TNFRSF19: variants seen among roughly 807,000 people sequenced by gnomAD.
TNFRSF19 encodes the protein tumor necrosis factor receptor superfamily member 19.
TNFRSF19 carries 27 observed loss-of-function variants against 46.4 expected under a neutral mutation model. The observed-to-expected ratio is 0.58, with a 90% confidence interval of 0.43 to 0.80. TNFRSF19 has a LOEUF of 0.80. Ranked by LOEUF, TNFRSF19 falls within the 30% of genes least tolerant of loss-of-function variation. The pLI, the probability that TNFRSF19 is intolerant of heterozygous loss-of-function variation, is 0.00. For missense variants in TNFRSF19, 511 were observed against 530.8 expected (o/e 0.96, Z 0.37); for synonymous variants, 204 against 205.0 (o/e 1.00, Z 0.04).
intron 2 of TNFRSF19, among the ~76,000 whole-genome samples, chr13:23,591,723 TC>T (rs770871550): frequency 1.5e-5 from 2 of 133,262 alleles, no homozygotes; most frequent in Non-Finnish European, 3.2e-5. Flanking sequence ...TTTCTTTCTT[TC>T]TTTCTTTTTT....
chr13:23,616,142 TATTAACCTGAAG>T, intron 4 of TNFRSF19, 97 bp downstream of exon 4: 1 of 1,268,672 alleles, frequency 7.9e-7, no homozygotes, highest in South Asian at 1.6e-5. Flanking sequence ...TGCATGCTGG[TATTAACCTGAAG>T]ATGCTGGTGG....
chr13:23,576,860 G>T (rs1877990123), intron 1 of TNFRSF19, among the ~76,000 whole-genome samples: 1 of 152,130 alleles, frequency 6.6e-6, no homozygotes, highest in Admixed American at 6.5e-5. Flanking sequence ...GGCCAACTGT[G>T]TTTAACTTAA....
chr13:23,571,908 G>C (rs1303477801), intron 1 of TNFRSF19, among the ~76,000 whole-genome samples: 1 of 150,956 alleles, frequency 6.6e-6, no homozygotes, highest in Non-Finnish European at 1.5e-5. Flanking sequence ...AAATTTATCT[G>C]GGCAAAATAT....
intron 5 of TNFRSF19, among the ~76,000 whole-genome samples, chr13:23,640,271 A>G (rs542563058): frequency 6.6e-6 from 1 of 152,326 alleles, no homozygotes; most frequent in Non-Finnish European, 1.5e-5. Flanking sequence ...CTTCTAGCTT[A>G]CTTTTAAAAA....
At chr13:23,618,294 A>G (rs1457648095) in intron 4 of TNFRSF19, among the ~76,000 whole-genome samples, 2 of 152,180 alleles carry the variant, frequency 1.3e-5, no homozygotes, top group Non-Finnish European at 2.9e-5. Context: ...TATTCTTACA[A>G]CTCAATAATA....
intron 5 of TNFRSF19, among the ~76,000 whole-genome samples, chr13:23,651,659 T>G (rs1415745040): frequency 6.6e-6 from 1 of 152,138 alleles, no homozygotes; most frequent in Admixed American, 6.6e-5. Context: ...AGCCATATGT[T>G]GTTTTTTACT....
At chr13:23,608,114 T>C (rs1392775235) in intron 3 of TNFRSF19, among the ~76,000 whole-genome samples, 1 of 152,184 alleles carries the variant, frequency 6.6e-6, no homozygotes, top group Non-Finnish European at 1.5e-5. Flanking sequence ...CTCTTTTCAC[T>C]TCCTTTCAAT....
At chr13:23,601,151 G>C (rs949365208) in intron 3 of TNFRSF19, among the ~76,000 whole-genome samples, 9 of 152,098 alleles carry the variant, frequency 5.9e-5, no homozygotes, top group African/African-American at 2.2e-4. Context: ...AGGAAACTCA[G>C]AGAACACCAA....
intron 4 of TNFRSF19, among the ~76,000 whole-genome samples, chr13:23,616,582 T>TTG (rs67579522): frequency 2.5e-5 from 1 of 40,598 alleles, no homozygotes; most frequent in Non-Finnish European, 1.0e-4. Context: ...GTTTGTTTGT[T>TTG]TTGTTTTGTT....
At chr13:23,635,797 T>C (rs1052344835) in intron 5 of TNFRSF19, among the ~76,000 whole-genome samples, 8 of 152,356 alleles carry the variant, frequency 5.3e-5, no homozygotes, top group African/African-American at 1.7e-4. Flanking sequence ...ATTAAATATT[T>C]AAGAAACATT....
At chr13:23,620,872 A>C (rs1881603176) in intron 4 of TNFRSF19, among the ~76,000 whole-genome samples, 1 of 152,154 alleles carries the variant, frequency 6.6e-6, no homozygotes, top group Non-Finnish European at 1.5e-5. Flanking sequence ...GACAACTAAC[A>C]TTGAGCACTT....
chr13:23,570,819 G>A lies in TNFRSF19; in HGVS notation c.-64G>A, dbSNP rs926706510. 1.3e-5 allele frequency: 2 copies of A among 152,222 alleles called. No individual in the cohort carries two copies. The highest frequency in any genetic ancestry group is 4.8e-5 in the African/African-American group (2 of 41,462). 9.4% of individuals were successfully genotyped at this position (152,222 alleles called of 1,614,324 possible). A position where few individuals can be genotyped will look rare whatever the true frequency, so the allele number is the denominator to read the frequency against. On this transcript the variant is annotated 5_prime_UTR_variant, in exon 1 of 10. Transcript: ENST00000248484. ...AGGTAGAAGCATTTGGCACAGAAGT[G>A]CTGCCAGGAGAAACTAAGTTGCTGA...
At chr13:23,651,596 C>T (rs1407395440) in intron 5 of TNFRSF19, among the ~76,000 whole-genome samples, 2 of 152,220 alleles carry the variant, frequency 1.3e-5, no homozygotes, top group Admixed American at 6.5e-5. Context: ...ATTTAATGCT[C>T]ATTTTATGAT....
intron 4 of TNFRSF19, among the ~76,000 whole-genome samples, chr13:23,625,497 T>G (rs1224306295): frequency 3.3e-5 from 5 of 151,924 alleles, no homozygotes; most frequent in Non-Finnish European, 7.4e-5. Flanking sequence ...CCCAGCTATT[T>G]TTTTGTATTT....
rs1015401547 is a variant in TNFRSF19 at position 23,659,911 on chromosome 13, T to G, written c.611-454T>G. ...CAAAATAGATTTACTCTTCATTAAG[T>G]GGAAGCGGATCATTGTAAAGGCCTT... On this transcript the variant is annotated intron_variant, in intron 6 of 9. Transcript: ENST00000248484. The surrounding 1 kb of genome is among the most constrained non-coding windows in gnomAD (Gnocchi z 4.9). 4.6e-5 allele frequency among the ~76,000 whole-genome samples: 7 copies of G among 152,164 alleles called. No homozygotes were observed. The highest frequency in any genetic ancestry group is 1.7e-4 in the African/African-American group (7 of 41,430).
At chr13:23,583,241 T>G (rs984524471) in intron 1 of TNFRSF19, among the ~76,000 whole-genome samples, 2 of 152,162 alleles carry the variant, frequency 1.3e-5, no homozygotes, top group South Asian at 2.1e-4. Context: ...TTTTAGACAT[T>G]CAAATAAGTA....
intron 4 of TNFRSF19, among the ~76,000 whole-genome samples, chr13:23,616,646 A>G (rs928872374): frequency 3.3e-5 from 5 of 152,122 alleles, no homozygotes; most frequent in African/African-American, 9.7e-5. Context: ...GCAATGGCGC[A>G]ATCTCAGCTC....
intron 3 of TNFRSF19, among the ~76,000 whole-genome samples, chr13:23,602,577 A>C (rs996707267): frequency 2.6e-5 from 4 of 152,114 alleles, no homozygotes; most frequent in African/African-American, 9.6e-5. Context: ...TTAAGCTGTC[A>C]TGGAAAATTC....
At chr13:23,578,014 G>T (rs1371505868) in intron 1 of TNFRSF19, among the ~76,000 whole-genome samples, 2 of 152,186 alleles carry the variant, frequency 1.3e-5, no homozygotes, top group African/African-American at 4.8e-5. Flanking sequence ...GACTGCGTGA[G>T]ACCTTGCAAA....
Sources: gnomAD v4.1 joint callset for allele counts (sites outside exome capture counted in the v4.1 genomes callset) on GRCh38, gnomAD v4.1.1 for gene constraint, Gnocchi (gnomAD v3.1) non-coding constraint, MANE v1.5 for transcripts, NCBI Gene and HGNC (gene_info 2026-07-23, HGNC 2026-07-21) for gene names.